SLCO1A2: variants seen among roughly 807,000 people sequenced by gnomAD.
The protein encoded by SLCO1A2 is solute carrier organic anion transporter family member 1A2.
SLCO1A2 carries 67 observed loss-of-function variants against 69.0 expected under a neutral mutation model. That is an observed-to-expected ratio of 0.97 (90% CI 0.80 to 1.19). The LOEUF is 1.19. SLCO1A2 is among the 50% of genes most tolerant of loss of function. The probability of loss-of-function intolerance (pLI) is 0.00; values close to 1 mark genes in which losing one functional copy is unlikely to be tolerated. For missense variants in SLCO1A2, 787 were observed against 793.7 expected (o/e 0.99, Z 0.10); for synonymous variants, 260 against 265.9 (o/e 0.98, Z 0.22).
intron 1 of SLCO1A2, among the ~76,000 whole-genome samples, chr12:21,384,236 C>T (rs978490655): frequency 2.0e-5 from 3 of 151,848 alleles, no homozygotes; most frequent in Non-Finnish European, 4.4e-5. Context: ...GTCACAAAAG[C>T]GGGTACAAAA....
chr12:21,363,239 A>T (rs972610332), intron 2 of SLCO1A2, among the ~76,000 whole-genome samples: 22 of 152,246 alleles, frequency 1.4e-4, no homozygotes, highest in African/African-American at 3.9e-4. Flanking sequence ...GGATTAAGAA[A>T]CTCACTCAAA....
At chr12:21,366,162 G>C (rs1939361408) in intron 2 of SLCO1A2, among the ~76,000 whole-genome samples, 1 of 152,064 alleles carries the variant, frequency 6.6e-6, no homozygotes, top group African/African-American at 2.4e-5. Flanking sequence ...ATGTCCATCA[G>C]TGATAGACTG....
At chr12:21,398,704 T>C (rs945660045), upstream of SLCO1A2, among the ~76,000 whole-genome samples, 3 of 151,598 alleles carry the variant, frequency 2.0e-5, no homozygotes, top group African/African-American at 7.3e-5. Context: ...ATCCCTGGGA[T>C]GCAAGGCTGG....
At chr12:21,284,032 C>T (rs1427173632) in intron 12 of SLCO1A2, among the ~76,000 whole-genome samples, 1 of 152,096 alleles carries the variant, frequency 6.6e-6, no homozygotes, top group African/African-American at 2.4e-5. Flanking sequence ...AATAGAGCTA[C>T]CATATGATCC....
chr12:21,361,812 G>C (rs1938916189), intron 2 of SLCO1A2, among the ~76,000 whole-genome samples: 1 of 152,150 alleles, frequency 6.6e-6, no homozygotes. Flanking sequence ...AAGATCAAAT[G>C]AATGAAATGC....
Position 21,314,625 on chromosome 12 carries a change from TAG to T in SLCO1A2, c.257_258del (p.Pro86HisfsTer28). The T allele has an allele frequency of 6.2e-7, 1 of 1,613,384 alleles. No individual in the cohort carries two copies. Among genetic ancestry groups the T allele is most frequent in the Non-Finnish European group, 8.5e-7 (1 of 1,179,258 alleles). The part of the protein sequence containing the change: ...VSYFGTKLHR[P>X]IMIGIGCVVM... ...ACCACACATCCAATGCCAATCATTA[TAG>T]GTCTATGCAGTTTGGTTCCAAAATA... On this transcript the variant is annotated frameshift_variant, in exon 4 of 15. Transcript: ENST00000683939. LOFTEE classifies it high-confidence loss of function.
At chr12:21,374,185 A>G (rs1046911624) in intron 2 of SLCO1A2, among the ~76,000 whole-genome samples, 2 of 152,200 alleles carry the variant, frequency 1.3e-5, no homozygotes, top group Non-Finnish European at 2.9e-5. Flanking sequence ...AAGGACATCT[A>G]ACAACTATGT....
upstream of SLCO1A2, among the ~76,000 whole-genome samples, chr12:21,335,935 A>T (rs550897499): frequency 6.6e-6 from 1 of 152,262 alleles, no homozygotes; most frequent in East Asian, 1.9e-4. Flanking sequence ...GTTTCTGTGG[A>T]AGATACTTGG....
intron 6 of SLCO1A2, 130 bp downstream of exon 6, chr12:21,304,297 G>T: frequency 1.5e-6 from 1 of 685,276 alleles, no homozygotes; most frequent in Non-Finnish European, 2.4e-6. Context: ...AACTTTTATG[G>T]AAGGCCAACT....
At chr12:21,418,595 T>A (rs961622651), upstream of SLCO1A2, among the ~76,000 whole-genome samples, 23 of 152,158 alleles carry the variant, frequency 1.5e-4, 1 homozygote, top group Admixed American at 2.6e-4. Flanking sequence ...AAACCCCTTA[T>A]AAAACCATCA....
intron 2 of SLCO1A2, among the ~76,000 whole-genome samples, chr12:21,364,932 G>A (rs900718381): frequency 6.6e-6 from 1 of 152,120 alleles, no homozygotes; most frequent in African/African-American, 2.4e-5. Context: ...TCATGCTCGT[G>A]GATAGGAAGA....
upstream of SLCO1A2, chr12:21,395,562 T>C (rs1043486115): frequency 6.6e-6 from 1 of 152,342 alleles, no homozygotes; most frequent in Non-Finnish European, 1.5e-5. Context: ...GCTCCACCTC[T>C]GGGGGCAGGG....
chr12:21,419,001 A>G (rs986274014), upstream of SLCO1A2, among the ~76,000 whole-genome samples: 3 of 152,160 alleles, frequency 2.0e-5, no homozygotes, highest in Non-Finnish European at 4.4e-5. Context: ...GGAAGATGAA[A>G]TAGATATACT....
intron 1 of SLCO1A2, among the ~76,000 whole-genome samples, chr12:21,394,601 G>C (rs1941338164): frequency 1.3e-5 from 2 of 148,238 alleles, no homozygotes; most frequent in Non-Finnish European, 1.5e-5. Context: ...AAAAAAAAAA[G>C]AAAAAGAAAA....
At chr12:21,368,864 G>T (rs558718160) in intron 2 of SLCO1A2, among the ~76,000 whole-genome samples, 3 of 152,094 alleles carry the variant, frequency 2.0e-5, no homozygotes, top group Non-Finnish European at 4.4e-5. Context: ...GAGAAGAAAA[G>T]TGAGGAGAGC....
chr12:21,331,702 G>A (rs1159652765), intron 2 of SLCO1A2, among the ~76,000 whole-genome samples: 1 of 150,440 alleles, frequency 6.6e-6, no homozygotes, highest in Admixed American at 6.6e-5. Flanking sequence ...TTACAGGCAG[G>A]AAAAAAAAAG....
chr12:21,372,066 G>A (rs1939838927), intron 2 of SLCO1A2, among the ~76,000 whole-genome samples: 1 of 152,000 alleles, frequency 6.6e-6, no homozygotes, highest in Admixed American at 6.6e-5. Context: ...GCAATTTGGA[G>A]AAAATTTTAA....
chr12:21,367,583 C>A (rs1462218430), intron 2 of SLCO1A2, among the ~76,000 whole-genome samples: 1 of 151,540 alleles, frequency 6.6e-6, no homozygotes, highest in Non-Finnish European at 1.5e-5. Context: ...TAAAACTGAA[C>A]AATCGAAAAA....
chr12:21,272,541 T>TA (rs1943063124), intron 14 of SLCO1A2, among the ~76,000 whole-genome samples: 1 of 152,040 alleles, frequency 6.6e-6, no homozygotes, highest in Non-Finnish European at 1.5e-5. Flanking sequence ...TTAACCCTAT[T>TA]AATTTTTTCC....
Sources: allele counts gnomAD v4.1 joint callset (sites outside exome capture counted in the v4.1 genomes callset), GRCh38; gene constraint gnomAD v4.1.1; transcripts MANE v1.5; gene names NCBI Gene and HGNC (gene_info 2026-07-23, HGNC 2026-07-21).